Variants in DNMT3B observed in about 807,000 individuals in gnomAD.
DNMT3B encodes the protein DNA methyltransferase 3 beta, also known as DNA (cytosine-5)-methyltransferase 3B.
Under a neutral mutation model 120.2 loss-of-function variants are expected in DNMT3B, and 37 were observed. The observed-to-expected ratio is 0.31, with a 90% CI of 0.24 to 0.40. DNMT3B has a LOEUF of 0.40. DNMT3B is among the 10% of genes least tolerant of loss of function. DNMT3B has a pLI of 1.00. For synonymous variants in DNMT3B, 412 were observed against 442.8 expected, an observed-to-expected ratio of 0.93 and a Z score of 0.87; for missense variants, 878 against 1,137.3, an observed-to-expected ratio of 0.77 and a Z score of 3.28.
rs141756182 is a variant in DNMT3B at position 32,780,382 on chromosome 20, C to G, written c.59C>G (p.Ser20Trp). The G allele has an allele frequency of 6.2e-6, 10 of 1,613,880 alleles. No homozygotes were observed. Among genetic ancestry groups the G allele is most frequent in the Non-Finnish European group, 8.5e-6 (10 of 1,179,980 alleles). Reference protein sequence around the residue: ...GEEDAGGREDSILVNGACSDQ... With the variant: ...GEEDAGGREDWILVNGACSDQ... ...GAGGACGCCGGCGGGAGGGAAGACTCGATCCTCGTCAACGGGGCCTGCAGC... is the reference window on the plus strand; with the variant it reads ...GAGGACGCCGGCGGGAGGGAAGACTGGATCCTCGTCAACGGGGCCTGCAGC... Residue 20 changes from serine to tryptophan, a missense_variant, in exon 2 of 23, where the codon TCG becomes TGG. Ser to Trp is a radical substitution (Grantham distance 177, BLOSUM62 -3). Around this residue, in one of 4 missense-constraint regions of DNMT3B, gnomAD observed 287 missense variants for 306.2 expected, o/e 0.94. Coordinates refer to ENST00000328111, the MANE Select transcript of DNMT3B (RefSeq NM_006892.4).
rs755584466 is a variant in DNMT3B at position 32,762,496 on chromosome 20, G to A, written c.-210G>A. On this transcript the variant is annotated 5_prime_UTR_variant, in exon 1 of 23. Coordinates refer to ENST00000328111, the MANE Select transcript of DNMT3B (RefSeq NM_006892.4). Reference sequence around the variant, plus strand: ...CGAGCGCCCCCCGACGGACGGGACCGGCTCCCTGGCGGTCGGGCGAGCGGG... The same window carrying A: ...CGAGCGCCCCCCGACGGACGGGACCAGCTCCCTGGCGGTCGGGCGAGCGGG... The A allele has an allele frequency of 8.5e-5, 21 of 247,818 alleles. No individual in the cohort carries two copies. Among genetic ancestry groups the A allele is most frequent in the Middle Eastern group, 2.1e-3 (2 of 932 alleles). 15.4% of individuals were successfully genotyped at this position (247,818 alleles called of 1,614,324 possible). A position where few individuals can be genotyped will look rare whatever the true frequency, so the allele number is the denominator to read the frequency against.
At chr20:32,802,283 C>A in intron 19 of DNMT3B, 102 bp from the exon 20 acceptor site, 1 of 1,248,022 alleles carries the variant, frequency 8.0e-7, no homozygotes, top group Non-Finnish European at 1.2e-6. Flanking sequence ...AGGATCCGTG[C>A]CTCATCCATA....
At chr20:32,765,856 T>C (rs1482237938) in intron 1 of DNMT3B, among the ~76,000 whole-genome samples, 2 of 147,622 alleles carry the variant, frequency 1.4e-5, no homozygotes, top group East Asian at 4.2e-4. Context: ...CTCGGGTTCA[T>C]GCCATTCTCC....
Position 32,808,094 on chromosome 20 carries a change from T to C in DNMT3B, c.*191T>C. The C allele has an allele frequency of 1.1e-6, 1 of 895,298 alleles. No homozygotes were observed. Among genetic ancestry groups the C allele is most frequent in the Non-Finnish European group, 1.7e-6 (1 of 590,204 alleles). The allele number at this position is 895,298 out of a possible 1,614,324, so 55.5% of individuals were successfully genotyped here. Reference sequence around the variant, plus strand: ...GGGGTAGCCTGAGGTGCCGCCTCCTTGTGCACAAATCAGACCTGGCTGCTT... The same window carrying C: ...GGGGTAGCCTGAGGTGCCGCCTCCTCGTGCACAAATCAGACCTGGCTGCTT... On this transcript the variant is annotated 3_prime_UTR_variant, in exon 23 of 23. Coordinates refer to ENST00000328111, the MANE Select transcript of DNMT3B (RefSeq NM_006892.4).
intron 7 of DNMT3B, among the ~76,000 whole-genome samples, chr20:32,789,402 A>C (rs1979702853): frequency 1.3e-5 from 2 of 152,154 alleles, no homozygotes; most frequent in Non-Finnish European, 2.9e-5. Flanking sequence ...TGGGGAGAGA[A>C]AGGCATGGAG....
At chr20:32,771,652 AAG>A (rs1555833399) in intron 1 of DNMT3B, among the ~76,000 whole-genome samples, 5 of 151,672 alleles carry the variant, frequency 3.3e-5, no homozygotes, top group African/African-American at 1.2e-4. Context: ...AAAAAAAAAA[AAG>A]GAGTGGTAAA....
At position 32,808,489 on chromosome 20, in the gene DNMT3B, A is replaced by C. The variant is rs1197636734; in HGVS notation, c.*586A>C. The C allele has an allele frequency of 4.2e-6, 1 of 236,644 alleles. No homozygotes were observed. Among genetic ancestry groups the C allele is most frequent in the African/African-American group, 2.2e-5 (1 of 45,122 alleles). The allele number at this position is 236,644 out of a possible 1,614,324, so 14.7% of individuals were successfully genotyped here. Reference sequence around the variant, plus strand: ...GGCACATTCCCCTTGCCTAAATACAAGGGCTGGAGTCTGCACGGGACCTAT... The same window carrying C: ...GGCACATTCCCCTTGCCTAAATACACGGGCTGGAGTCTGCACGGGACCTAT... On this transcript the variant is annotated 3_prime_UTR_variant, in exon 23 of 23. Coordinates refer to ENST00000328111, the MANE Select transcript of DNMT3B (RefSeq NM_006892.4).
rs540198630 is a variant in DNMT3B, at chr20:32,781,210, G to A, written c.143-143G>A. 2.0e-4 allele frequency: 162 copies of A among 826,628 alleles called. 3 individuals carry two copies. The Middle Eastern group carries it at 3.8e-3, about 19-fold the overall frequency. 51.2% of individuals were successfully genotyped at this position (826,628 alleles called of 1,614,324 possible). The stretch of plus-strand genomic sequence containing the variant: ...AGTGGAGAAGATGAACGATACTGAC[G>A]GACTGAGAGCAAATCCCTGTGGCTG... On this transcript the variant is annotated intron_variant, in intron 2 of 22. Transcript: ENST00000328111.
At chr20:32,766,004 G>A (rs1439749522) in intron 1 of DNMT3B, among the ~76,000 whole-genome samples, 2 of 151,912 alleles carry the variant, frequency 1.3e-5, no homozygotes, top group East Asian at 1.9e-4. Flanking sequence ...TGATCCACCC[G>A]CCTTGGCCTC....
At chr20:32,762,965 G>A (rs1431936350) in intron 1 of DNMT3B, among the ~76,000 whole-genome samples, 1 of 152,088 alleles carries the variant, frequency 6.6e-6, no homozygotes, top group Non-Finnish European at 1.5e-5. Flanking sequence ...AGGAAGGGAC[G>A]CGTCTGCTGC....
intron 16 of DNMT3B, among the ~76,000 whole-genome samples, chr20:32,799,707 G>C (rs946691256): frequency 6.6e-6 from 1 of 152,042 alleles, no homozygotes; most frequent in Non-Finnish European, 1.5e-5. Context: ...TCGTAGAGAC[G>C]GGGTTTCTCC....
At chr20:32,796,550 C>T (rs534279109) in intron 12 of DNMT3B, among the ~76,000 whole-genome samples, 2 of 152,322 alleles carry the variant, frequency 1.3e-5, no homozygotes, top group Admixed American at 6.5e-5. Context: ...CAGCGTTCTG[C>T]CTGACATCAT....
intron 8 of DNMT3B, among the ~76,000 whole-genome samples, chr20:32,792,274 T>C (rs1169227652): frequency 6.6e-6 from 1 of 152,202 alleles, no homozygotes; most frequent in Non-Finnish European, 1.5e-5. Flanking sequence ...CCGCCTTATA[T>C]AAGATACAGA....
At chr20:32,779,884 G>C (rs2145902370) in intron 1 of DNMT3B, 2 of 612,640 alleles carry the variant, frequency 3.3e-6, no homozygotes, top group South Asian at 3.9e-5. Flanking sequence ...GGTCAGGAGG[G>C]AAAATAATGC....
In DNMT3B at chr20:32,784,769, C is replaced by T. The variant is rs369090434; in HGVS notation, c.216C>T (p.Gly72=). The stretch of plus-strand genomic sequence containing the variant: ...GTTTCCTTATAAAGGACTTGACAGG[C>T]GATGGCGACGGGGAAGATGGGGATG... ...SLLSYTQDLT[G]DGDGEDGDGS... is the part of the protein sequence containing the mutation. The change falls in exon 4 of 23, where the codon GGC becomes GGT. Residue 72 remains glycine, a synonymous_variant. Coordinates refer to ENST00000328111, the MANE Select transcript of DNMT3B (RefSeq NM_006892.4). 2.4e-5 allele frequency: 38 copies of T among 1,613,978 alleles called. No homozygotes were observed. Among genetic ancestry groups the T allele is most frequent in the Middle Eastern group, 1.6e-4 (1 of 6,084 alleles).
chr20:32,771,005 A>G (rs532465855), intron 1 of DNMT3B, among the ~76,000 whole-genome samples: 9 of 152,092 alleles, frequency 5.9e-5, no homozygotes, highest in Non-Finnish European at 1.2e-4. Context: ...TAGGCCTCCC[A>G]CATTGCTGGG....
At chr20:32,800,720 C>A in intron 17 of DNMT3B, 115 bp from the exon 18 acceptor site, 1 of 1,198,306 alleles carries the variant, frequency 8.3e-7, no homozygotes, top group Non-Finnish European at 1.2e-6. Context: ...CGTCAGCCTT[C>A]CTGGGATTAC....
At chr20:32,769,463 C>T (rs1002737829) in intron 1 of DNMT3B, among the ~76,000 whole-genome samples, 2 of 152,120 alleles carry the variant, frequency 1.3e-5, no homozygotes, top group African/African-American at 2.4e-5. Flanking sequence ...ACACAAGATG[C>T]GCTGGGTTAA....
intron 1 of DNMT3B, among the ~76,000 whole-genome samples, chr20:32,764,163 ATG>A (rs929615007): frequency 1.1e-4 from 17 of 152,150 alleles, no homozygotes; most frequent in Non-Finnish European, 2.4e-4. Flanking sequence ...TTAGTTCATC[ATG>A]TGTTTAAACC....
Sources: gnomAD v4.1 joint callset for allele counts (sites outside exome capture counted in the v4.1 genomes callset) on GRCh38, gnomAD v4.1.1 for gene constraint, gnomAD v4.1.1 regional missense constraint, MANE v1.5 for transcripts, NCBI Gene and HGNC (gene_info 2026-07-23, HGNC 2026-07-21) for gene names.